WWOX: variants seen among roughly 807,000 people sequenced by gnomAD.
WWOX encodes the protein WW domain containing oxidoreductase.
In WWOX, 69 loss-of-function variants were observed where a neutral mutation model predicts 46.2. That is an observed-to-expected ratio of 1.49 (90% CI 1.23 to 1.82). The LOEUF (loss-of-function observed/expected upper bound fraction) is 1.82, where lower values mean the gene tolerates loss of function less well. Ranked by LOEUF, WWOX falls within the 40% of genes most tolerant of loss-of-function variation. The pLI is 0.00. For missense variants in WWOX, 919 were observed against 542.6 expected, an observed-to-expected ratio of 1.69 and a Z score of -6.89; for synonymous variants, 359 against 202.6, an observed-to-expected ratio of 1.77 and a Z score of -6.56.
At chr16:79,070,974 C>A (rs780934989) in intron 8 of WWOX, among the ~76,000 whole-genome samples, 1 of 152,188 alleles carries the variant, frequency 6.6e-6, no homozygotes, top group Non-Finnish European at 1.5e-5. Context: ...TCCCTCCCTA[C>A]CCCCACATAC....
intron 5 of WWOX, among the ~76,000 whole-genome samples, chr16:78,228,569 C>T (rs761511642): frequency 1.1e-4 from 17 of 152,002 alleles, no homozygotes; most frequent in Non-Finnish European, 1.5e-4. Flanking sequence ...CTCAAACTCC[C>T]GGGCTCAAGC....
intron 8 of WWOX, among the ~76,000 whole-genome samples, chr16:78,864,403 G>T (rs1291756031): frequency 6.6e-6 from 1 of 151,978 alleles, no homozygotes; most frequent in South Asian, 2.1e-4. Context: ...GAGTAGATGG[G>T]ACCACAGGCG....
intron 5 of WWOX, among the ~76,000 whole-genome samples, chr16:78,312,381 C>CTTTTTTTTTTTTTTT (rs561304972): frequency 3.8e-5 from 5 of 132,850 alleles, no homozygotes; most frequent in Admixed American, 1.6e-4. Flanking sequence ...AGGTCTAATT[C>CTTTTTTTTTTTTTTT]TTTTTTTTTT....
intron 8 of WWOX, among the ~76,000 whole-genome samples, chr16:78,704,934 T>TA (rs1555520089): frequency 0.013 from 2,012 of 151,482 alleles, 52 homozygotes; most frequent in African/African-American, 0.046. Context: ...TTTTTTTTTT[T>TA]AAAGAGGAGG....
intron 8 of WWOX, among the ~76,000 whole-genome samples, chr16:78,811,657 C>T (rs1046040440): frequency 2.0e-5 from 3 of 152,122 alleles, no homozygotes; most frequent in Non-Finnish European, 4.4e-5. Context: ...AGGCATGAGC[C>T]ATCATGCCCA....
chr16:78,615,928 T>G (rs2046013297), intron 8 of WWOX, among the ~76,000 whole-genome samples: 2 of 151,984 alleles, frequency 1.3e-5, no homozygotes, highest in Non-Finnish European at 2.9e-5. Flanking sequence ...TTTTTTGTAT[T>G]TTTAGTAGAG....
intron 8 of WWOX, among the ~76,000 whole-genome samples, chr16:78,764,864 G>A (rs1301403800): frequency 2.0e-5 from 3 of 151,796 alleles, no homozygotes; most frequent in Non-Finnish European, 4.4e-5. Context: ...AGTTTACTAT[G>A]GATATAACAC....
intron 8 of WWOX, among the ~76,000 whole-genome samples, chr16:78,637,130 C>T (rs915589635): frequency 1.3e-5 from 2 of 152,252 alleles, no homozygotes; most frequent in Admixed American, 1.3e-4. Flanking sequence ...TTCTAATCTT[C>T]ACAATAACTC....
rs556218765 is a variant in WWOX, at chr16:78,961,962, C to T, written c.1057-249646C>T. On this transcript the variant is annotated intron_variant, in intron 8 of 8. Coordinates refer to ENST00000566780, the MANE Select transcript of WWOX (RefSeq NM_016373.4). ...CAGGTATTAGGGATGGACCCAGCAG[C>T]CAAGTCTTTGTTGCCTTAAACAGAT... 3.9e-5 allele frequency among the ~76,000 whole-genome samples: 6 copies of T among 152,282 alleles called. No individual in the cohort carries two copies. The East Asian group carries it at 1.2e-3, about 29-fold the overall frequency.
chr16:78,301,958 G>GT (rs747979480), intron 5 of WWOX, among the ~76,000 whole-genome samples: 1,622 of 141,966 alleles, frequency 0.011, 9 homozygotes, highest in African/African-American at 0.025. Flanking sequence ...AGATGAGGGT[G>GT]TTTTTTTTTT....
chr16:78,519,227 A>G (rs1414525905), intron 8 of WWOX, among the ~76,000 whole-genome samples: 2 of 152,120 alleles, frequency 1.3e-5, no homozygotes, highest in Non-Finnish European at 1.5e-5. Context: ...TGAAGATTAA[A>G]AGGGTTTTGT....
intron 8 of WWOX, among the ~76,000 whole-genome samples, chr16:79,169,812 G>C (rs1422452616): frequency 6.6e-6 from 1 of 152,158 alleles, no homozygotes; most frequent in Non-Finnish European, 1.5e-5. Flanking sequence ...CGTTTTTCCT[G>C]ACTCTAAATA....
intron 8 of WWOX, among the ~76,000 whole-genome samples, chr16:79,047,846 A>C (rs2048094612): frequency 6.6e-6 from 1 of 151,974 alleles, no homozygotes; most frequent in African/African-American, 2.4e-5. Context: ...TCCTGCATGA[A>C]TGAAGGAAAG....
At chr16:78,618,209 C>G (rs965311669) in intron 8 of WWOX, among the ~76,000 whole-genome samples, 2 of 152,216 alleles carry the variant, frequency 1.3e-5, no homozygotes, top group African/African-American at 4.8e-5. Context: ...AGTCCTTGCT[C>G]TCCAACCTCT....
intron 8 of WWOX, among the ~76,000 whole-genome samples, chr16:79,147,324 A>G (rs2050199627): frequency 6.6e-6 from 1 of 152,166 alleles, no homozygotes; most frequent in African/African-American, 2.4e-5. Context: ...TTTTTTCAAA[A>G]TTATTATATA....
At chr16:78,512,585 A>G (rs763629951) in intron 8 of WWOX, among the ~76,000 whole-genome samples, 1 of 152,206 alleles carries the variant, frequency 6.6e-6, no homozygotes, top group Non-Finnish European at 1.5e-5. Context: ...TCATTTGTTC[A>G]TTCAGCAAAT....
intron 8 of WWOX, among the ~76,000 whole-genome samples, chr16:78,974,957 G>A (rs1356414418): frequency 6.6e-6 from 1 of 152,184 alleles, no homozygotes; most frequent in East Asian, 1.9e-4. Context: ...CGGACCCAAA[G>A]GGAGATGGAC....
intron 8 of WWOX, among the ~76,000 whole-genome samples, chr16:78,931,653 G>A: frequency 6.6e-6 from 1 of 152,226 alleles, no homozygotes; most frequent in East Asian, 1.9e-4. Context: ...ATGCAGTCAT[G>A]GAGTCATCTA....
intron 4 of WWOX, among the ~76,000 whole-genome samples, chr16:78,153,331 C>A (rs887595592): frequency 1.6e-4 from 24 of 152,150 alleles, no homozygotes; most frequent in African/African-American, 5.6e-4. Context: ...ACTGTAATTT[C>A]ATTTACATTA....
Sources: allele counts gnomAD v4.1 joint callset (sites outside exome capture counted in the v4.1 genomes callset), GRCh38; gene constraint gnomAD v4.1.1; transcripts MANE v1.5; gene names NCBI Gene and HGNC (gene_info 2026-07-23, HGNC 2026-07-21).